The following ST6GALNAC3 variants were observed in gnomAD, a reference collection of about 807,000 sequenced individuals.
The protein encoded by ST6GALNAC3 is ST6 N-acetylgalactosaminide alpha-2,6-sialyltransferase 3.
Under a neutral mutation model 32.7 loss-of-function variants are expected in ST6GALNAC3, and 25 were observed. The ratio of observed to expected loss-of-function variants is 0.76; its 90% CI spans 0.56 to 1.07. The LOEUF is 1.07. Ranked by LOEUF, ST6GALNAC3 falls within the 50% of genes least tolerant of loss-of-function variation. The pLI is 0.00. For missense variants in ST6GALNAC3, 355 were observed against 382.4 expected (o/e 0.93, Z 0.60); for synonymous variants, 129 against 133.1 (o/e 0.97, Z 0.21).
chr1:76,137,000 TTAAA>T (rs1325062099), intron 1 of ST6GALNAC3, among the ~76,000 whole-genome samples: 3 of 152,208 alleles, frequency 2.0e-5, no homozygotes, highest in Non-Finnish European at 4.4e-5. Flanking sequence ...GTCTCAGTCT[TTAAA>T]TAAGAAAGCC....
At chr1:76,127,909 G>A (rs1481729995) in intron 1 of ST6GALNAC3, among the ~76,000 whole-genome samples, 5 of 151,996 alleles carry the variant, frequency 3.3e-5, no homozygotes, top group Non-Finnish European at 7.4e-5. Flanking sequence ...CACCTTTAAG[G>A]CCCTGCATGA....
chr1:76,228,016 C>T (rs1217196379), intron 1 of ST6GALNAC3, among the ~76,000 whole-genome samples: 2 of 152,178 alleles, frequency 1.3e-5, no homozygotes, highest in Non-Finnish European at 2.9e-5. Flanking sequence ...GTTAGCAAAG[C>T]GTGTATCTGG....
chr1:76,102,062 A>G (rs996161093), intron 1 of ST6GALNAC3, among the ~76,000 whole-genome samples: 2 of 151,818 alleles, frequency 1.3e-5, no homozygotes, highest in African/African-American at 4.8e-5. Context: ...TTTGTTTTAT[A>G]TGTTTCTGAG....
At chr1:76,359,275 T>G (rs4344371) in intron 2 of ST6GALNAC3, among the ~76,000 whole-genome samples, 150,143 of 152,280 alleles carry the variant, frequency 0.99, 74,063 homozygotes, top group Middle Eastern at 1. Context: ...TATCAATCCT[T>G]TTACCTCAGG....
At chr1:76,504,431 T>G (rs558776217) in intron 3 of ST6GALNAC3, among the ~76,000 whole-genome samples, 36 of 152,340 alleles carry the variant, frequency 2.4e-4, no homozygotes, top group Non-Finnish European at 4.7e-4. Flanking sequence ...TCTGAGGTTC[T>G]GGGTGGACAT....
intron 3 of ST6GALNAC3, among the ~76,000 whole-genome samples, chr1:76,593,607 A>G (rs529122728): frequency 1.3e-5 from 2 of 152,356 alleles, no homozygotes; most frequent in East Asian, 3.9e-4. Flanking sequence ...TTGGTAAAGA[A>G]TGTACCACAC....
intron 2 of ST6GALNAC3, among the ~76,000 whole-genome samples, chr1:76,346,814 T>TA (rs1648557092): frequency 6.6e-6 from 1 of 152,122 alleles, no homozygotes; most frequent in African/African-American, 2.4e-5. Flanking sequence ...AAAAATTAAA[T>TA]AAGGGAATGT....
At chr1:76,179,119 C>T (rs986380663) in intron 1 of ST6GALNAC3, among the ~76,000 whole-genome samples, 3 of 152,222 alleles carry the variant, frequency 2.0e-5, no homozygotes, top group Non-Finnish European at 2.9e-5. Context: ...CCAGCAGCAG[C>T]TCCCAACTAG....
intron 1 of ST6GALNAC3, among the ~76,000 whole-genome samples, chr1:76,170,679 A>C (rs1400587993): frequency 1.3e-5 from 2 of 152,158 alleles, no homozygotes; most frequent in African/African-American, 4.8e-5. Flanking sequence ...TTTAATTTAC[A>C]AATGGAGTTT....
At chr1:76,425,117 C>T (rs1299362241) in intron 3 of ST6GALNAC3, among the ~76,000 whole-genome samples, 1 of 152,008 alleles carries the variant, frequency 6.6e-6, no homozygotes, top group Non-Finnish European at 1.5e-5. Flanking sequence ...TGAGAGTTCT[C>T]AGCTCTTTGG....
At chr1:76,167,008 T>G (rs1158432843) in intron 1 of ST6GALNAC3, among the ~76,000 whole-genome samples, 1 of 152,174 alleles carries the variant, frequency 6.6e-6, no homozygotes. Context: ...TTCTCTTGCC[T>G]GATTGATCTG....
At chr1:76,412,937 A>G (rs1654365726) in intron 3 of ST6GALNAC3, 1 of 307,090 alleles carries the variant, frequency 3.3e-6, no homozygotes, top group Non-Finnish European at 6.4e-6. Flanking sequence ...CTTGTTCAGC[A>G]GAATACCATA....
intron 1 of ST6GALNAC3, among the ~76,000 whole-genome samples, chr1:76,172,783 T>C (rs547612148): frequency 1.1e-3 from 163 of 152,192 alleles, no homozygotes; most frequent in African/African-American, 3.8e-3. Flanking sequence ...TAACAAGGGA[T>C]GTGAAGACCT....
At chr1:76,637,084 C>G (rs968961879), downstream of ST6GALNAC3, 2 of 152,136 alleles carry the variant, frequency 1.3e-5, no homozygotes, top group Non-Finnish European at 2.9e-5. Flanking sequence ...TTGACTAATA[C>G]GATCATACAG....
chr1:76,456,534 A>G (rs562132929), intron 3 of ST6GALNAC3, among the ~76,000 whole-genome samples: 1 of 152,218 alleles, frequency 6.6e-6, no homozygotes, highest in South Asian at 2.1e-4. Flanking sequence ...TAAGTTTTAT[A>G]TAATCTTAAA....
chr1:76,491,147 C>T (rs1427185008), intron 3 of ST6GALNAC3, among the ~76,000 whole-genome samples: 2 of 152,050 alleles, frequency 1.3e-5, no homozygotes, highest in Non-Finnish European at 2.9e-5. Context: ...TGTGAGCCAC[C>T]GCACCTGGCC....
Position 76,630,066 on chromosome 1 carries a change from C to A in ST6GALNAC3, c.*1260C>A. 1.0e-6 allele frequency: 1 copy of A among 985,216 alleles called. No homozygotes were observed. Among genetic ancestry groups the A allele is most frequent in the Non-Finnish European group, 1.2e-6 (1 of 829,818 alleles). 61.0% of individuals were successfully genotyped at this position (985,216 alleles called of 1,614,324 possible). On this transcript the variant is annotated 3_prime_UTR_variant, in exon 5 of 5. Coordinates refer to ENST00000328299, the MANE Select transcript of ST6GALNAC3 (RefSeq NM_152996.4). ...TGTTATACCATGTGATGCCCTTGAA[C>A]ACCCCATTGGGCTATTGTCTGTGTA...
chr1:76,491,701 A>G (rs1400173912), intron 3 of ST6GALNAC3, among the ~76,000 whole-genome samples: 1 of 152,202 alleles, frequency 6.6e-6, no homozygotes, highest in African/African-American at 2.4e-5. Flanking sequence ...TACAGGGCAT[A>G]GATACCAAAT....
chr1:76,143,397 G>GTT (rs1553159056), intron 1 of ST6GALNAC3, among the ~76,000 whole-genome samples: 9 of 148,148 alleles, frequency 6.1e-5, no homozygotes, highest in Non-Finnish European at 1.5e-5. Context: ...CAAGTCGTGT[G>GTT]TGTGTGTGTG....
Sources: allele counts gnomAD v4.1 joint callset (sites outside exome capture counted in the v4.1 genomes callset), GRCh38; gene constraint gnomAD v4.1.1; transcripts MANE v1.5; gene names NCBI Gene and HGNC (gene_info 2026-07-23, HGNC 2026-07-21).